The following UBE2H variants were observed in gnomAD, a reference collection of about 807,000 sequenced individuals.
The protein encoded by UBE2H is ubiquitin conjugating enzyme E2 H, also known as ubiquitin-conjugating enzyme E2 H.
A neutral mutation model predicts 29.0 loss-of-function variants in UBE2H; 3 were observed. The ratio of observed to expected loss-of-function variants is 0.10; its 90% CI spans 0.05 to 0.27. The LOEUF is 0.27. UBE2H is among the 10% of genes least tolerant of loss of function. The pLI is 1.00. For synonymous variants in UBE2H, 69 were observed against 82.9 expected (o/e 0.83, Z 0.91); for missense variants, 68 against 228.2 (o/e 0.30, Z 4.52).
At chr7:129,906,860 G>A (rs1383443788) in intron 1 of UBE2H, among the ~76,000 whole-genome samples, 1 of 152,092 alleles carries the variant, frequency 6.6e-6, no homozygotes, top group Non-Finnish European at 1.5e-5. Flanking sequence ...CGCTTAATCC[G>A]TGCCAAAAGT....
intron 1 of UBE2H, among the ~76,000 whole-genome samples, chr7:129,888,629 C>A (rs1211314049): frequency 6.6e-6 from 1 of 152,168 alleles, no homozygotes; most frequent in Admixed American, 6.5e-5. Flanking sequence ...CGCCTGGCAC[C>A]ACACCTGGCT....
chr7:129,865,653 G>A (rs1196682193), intron 3 of UBE2H, among the ~76,000 whole-genome samples: 1 of 152,224 alleles, frequency 6.6e-6, no homozygotes, highest in East Asian at 1.9e-4. Context: ...TGTGGCTGAT[G>A]CAATTGCATT....
rs148814946 is a variant in UBE2H at position 129,846,988 on chromosome 7, G to A, written c.299-7653C>T. Reference sequence around the variant, plus strand: ...AATTAGCTTTGTACACTGTTACCCCGGGAAGCCGTCATCCTATAATTATTA... The same window carrying A: ...AATTAGCTTTGTACACTGTTACCCCAGGAAGCCGTCATCCTATAATTATTA... On this transcript the variant is annotated intron_variant, in intron 5 of 6. Coordinates refer to ENST00000355621, the MANE Select transcript of UBE2H (RefSeq NM_003344.4). Among the ~76,000 whole-genome samples, 37 of 152,094 alleles carry A rather than the reference G, an allele frequency of 2.4e-4. No homozygotes were observed. The East Asian group carries it at 5.4e-3, about 22-fold the overall frequency.
In UBE2H at chr7:129,836,772, C is replaced by T. The variant is rs182501708; in HGVS notation, c.428-1711G>A. Reference sequence around the variant, plus strand: ...GCACATGCCTGTAATCCCAGCTACTCGGGAGGCTGAGGAAGGAGAATCACT... The same window carrying T: ...GCACATGCCTGTAATCCCAGCTACTTGGGAGGCTGAGGAAGGAGAATCACT... On this transcript the variant is annotated intron_variant, in intron 6 of 6. Coordinates refer to ENST00000355621, the MANE Select transcript of UBE2H (RefSeq NM_003344.4). Among the ~76,000 whole-genome samples the T allele has an allele frequency of 5.4e-4, 82 of 150,500 alleles. No homozygotes were observed. In the East Asian group the frequency reaches 0.011, roughly 20 times the overall value.
At chr7:129,902,462 T>C (rs1490211261) in intron 1 of UBE2H, among the ~76,000 whole-genome samples, 1 of 152,146 alleles carries the variant, frequency 6.6e-6, no homozygotes, top group East Asian at 1.9e-4. Flanking sequence ...GATGCACCAT[T>C]GCACTCCAGC....
chr7:129,845,626 G>A (rs1321317195), intron 5 of UBE2H, among the ~76,000 whole-genome samples: 2 of 152,226 alleles, frequency 1.3e-5, no homozygotes, highest in African/African-American at 4.8e-5. Context: ...GGTATTAGAG[G>A]ATGGTTAGAA....
chr7:129,891,961 T>C (rs1317376159), intron 1 of UBE2H, among the ~76,000 whole-genome samples: 1 of 149,960 alleles, frequency 6.7e-6, no homozygotes, highest in Non-Finnish European at 1.5e-5. Context: ...ACCTTTTTTT[T>C]TTTTTTTTTG....
intron 3 of UBE2H, among the ~76,000 whole-genome samples, chr7:129,878,682 C>CAAAAA (rs772936668): frequency 1.3e-4 from 10 of 75,062 alleles, no homozygotes; most frequent in African/African-American, 2.9e-4. Flanking sequence ...GACTCCGTCT[C>CAAAAA]AAAAAAAAAA....
chr7:129,920,745 T>G (rs1807140999), intron 1 of UBE2H, among the ~76,000 whole-genome samples: 1 of 149,140 alleles, frequency 6.7e-6, no homozygotes, highest in African/African-American at 2.5e-5. Context: ...ATCTGACAAC[T>G]GGGAAATGGA....
At chr7:129,857,388 C>T (rs975624644) in intron 5 of UBE2H, 123 bp downstream of exon 5, 55 of 923,802 alleles carry the variant, frequency 6.0e-5, no homozygotes, top group African/African-American at 3.1e-4. Flanking sequence ...CTTTCCCAGT[C>T]GGTCCCTCAA....
intron 5 of UBE2H, among the ~76,000 whole-genome samples, chr7:129,850,881 A>T (rs1805596798): frequency 6.6e-6 from 1 of 151,464 alleles, no homozygotes; most frequent in Non-Finnish European, 1.5e-5. Flanking sequence ...GGACAGAGAG[A>T]GAGAAAGGAG....
intron 1 of UBE2H, among the ~76,000 whole-genome samples, chr7:129,926,392 C>G (rs1011483279): frequency 6.6e-6 from 1 of 151,888 alleles, no homozygotes; most frequent in Non-Finnish European, 1.5e-5. Context: ...GCCTGTAATC[C>G]CAGCTACTCA....
At chr7:129,912,339 A>G (rs1806953529) in intron 1 of UBE2H, among the ~76,000 whole-genome samples, 1 of 152,186 alleles carries the variant, frequency 6.6e-6, no homozygotes, top group African/African-American at 2.4e-5. Context: ...ACATAATGAC[A>G]TATCTTGGCG....
At chr7:129,890,046 T>C (rs1027542558) in intron 1 of UBE2H, among the ~76,000 whole-genome samples, 1 of 152,022 alleles carries the variant, frequency 6.6e-6, no homozygotes. Context: ...GGCAAGAGGA[T>C]TGCTGGAGCC....
intron 4 of UBE2H, 103 bp from the exon 5 acceptor site, chr7:129,857,666 T>G (rs1003616695): frequency 1.6e-6 from 2 of 1,253,566 alleles, no homozygotes; most frequent in Admixed American, 2.2e-5. Flanking sequence ...TTCTAATAGA[T>G]CTGTGAAAAA....
chr7:129,923,132 C>T (rs1022703041), intron 1 of UBE2H, among the ~76,000 whole-genome samples: 2 of 151,918 alleles, frequency 1.3e-5, no homozygotes, highest in Non-Finnish European at 2.9e-5. Context: ...AATCTCCTGA[C>T]CTCGTGATCC....
intron 1 of UBE2H, among the ~76,000 whole-genome samples, chr7:129,939,989 A>G (rs896850105): frequency 6.6e-6 from 1 of 151,960 alleles, no homozygotes; most frequent in East Asian, 1.9e-4. Context: ...AAAGAAAGAA[A>G]AGCAAAATCC....
chr7:129,937,538 G>A (rs1584797937), intron 1 of UBE2H, among the ~76,000 whole-genome samples: 1 of 152,092 alleles, frequency 6.6e-6, no homozygotes, highest in East Asian at 1.9e-4. Context: ...GCAGGAGCTC[G>A]TGGATAAAAA....
chr7:129,865,178 CA>C (rs1342116709), intron 3 of UBE2H: 11 of 333,494 alleles, frequency 3.3e-5, no homozygotes, highest in Non-Finnish European at 6.5e-5. Flanking sequence ...TGTTCCACTC[CA>C]ATACTCAACT....
Sources: allele counts gnomAD v4.1 joint callset (sites outside exome capture counted in the v4.1 genomes callset), GRCh38; gene constraint gnomAD v4.1.1; transcripts MANE v1.5; gene names NCBI Gene and HGNC (gene_info 2026-07-23, HGNC 2026-07-21).